Variants in KLHL14 observed in about 807,000 individuals in gnomAD.
KLHL14 encodes the protein kelch-like protein 14.
In KLHL14, 22 loss-of-function variants were observed where a neutral mutation model predicts 64.3. That is an observed-to-expected ratio of 0.34 (90% CI 0.24 to 0.49). The LOEUF (loss-of-function observed/expected upper bound fraction) is 0.49, where lower values mean the gene tolerates loss of function less well. Ranked by LOEUF, KLHL14 falls within the 20% of genes least tolerant of loss-of-function variation. The pLI is 0.99. For synonymous variants in KLHL14, 322 were observed against 333.4 expected (o/e 0.97, Z 0.37); for missense variants, 661 against 789.0 (o/e 0.84, Z 1.94).
intron 3 of KLHL14, among the ~76,000 whole-genome samples, chr18:32,710,002 A>T: frequency 6.6e-6 from 1 of 152,228 alleles, no homozygotes; most frequent in East Asian, 1.9e-4. Context: ...AATGGAAGAC[A>T]GTATATTGTC....
intron 3 of KLHL14, among the ~76,000 whole-genome samples, chr18:32,709,325 A>T (rs1334103995): frequency 1.3e-5 from 2 of 152,166 alleles, no homozygotes; most frequent in African/African-American, 4.8e-5. Context: ...TCACTCCATC[A>T]TTTAAGTCAG....
Position 32,695,558 on chromosome 18 carries a change from AT to A in KLHL14, c.1070-7del. ...GGCACTGTTGTATGGCATAACTGAA[AT>A]TAAGAAAAAAAAAAAAGACATATGA... On this transcript the variant is annotated splice_region_variant and splice_polypyrimidine_tract_variant and intron_variant, in intron 3 of 8. Coordinates refer to ENST00000359358, the MANE Select transcript of KLHL14 (RefSeq NM_020805.3). 1 of 1,559,438 alleles carries A rather than the reference AT, an allele frequency of 6.4e-7. No individual in the cohort carries two copies. The highest frequency in any genetic ancestry group is 1.8e-5 in the Admixed American group (1 of 55,640).
chr18:32,734,277 C>T, intron 3 of KLHL14: 1 of 702,346 alleles, frequency 1.4e-6, no homozygotes, highest in Non-Finnish European at 2.6e-6. Flanking sequence ...CACTTTTAAT[C>T]ACCAGTGCAA....
chr18:32,685,144 C>T (rs920151580), intron 5 of KLHL14, among the ~76,000 whole-genome samples: 3 of 151,966 alleles, frequency 2.0e-5, no homozygotes, highest in Admixed American at 1.3e-4. Flanking sequence ...TGCCGGGCGC[C>T]GACAGACCAT....
chr18:32,711,967 T>C lies in KLHL14; in HGVS notation c.1070-16415A>G, dbSNP rs1188177785. ...ATTTTACATTCATGTTATTGTTGCC[T>C]GAAATTCCTATTATGTTTTCTTAGA... On this transcript the variant is annotated intron_variant, in intron 3 of 8. Coordinates refer to ENST00000359358, the MANE Select transcript of KLHL14 (RefSeq NM_020805.3). 2.6e-5 allele frequency among the ~76,000 whole-genome samples: 4 copies of C among 152,242 alleles called. No homozygotes were observed. The East Asian group carries it at 5.8e-4, about 22-fold the overall frequency.
At chr18:32,762,002 A>G (rs2144189352) in intron 2 of KLHL14, among the ~76,000 whole-genome samples, 1 of 152,292 alleles carries the variant, frequency 6.6e-6, no homozygotes, top group Non-Finnish European at 1.5e-5. Flanking sequence ...GAATGCAGTT[A>G]TATGTTTATC....
chr18:32,772,150 C>T (rs766574555), intron 1 of KLHL14: 1 of 273,108 alleles, frequency 3.7e-6, no homozygotes, highest in Non-Finnish European at 7.4e-6. Flanking sequence ...CCGCCGCCGC[C>T]CGGCTCGGAG....
intron 3 of KLHL14, among the ~76,000 whole-genome samples, chr18:32,719,035 G>A (rs2144507880): frequency 6.6e-6 from 1 of 152,166 alleles, no homozygotes; most frequent in South Asian, 2.1e-4. Flanking sequence ...CACAACCTCT[G>A]CCTCCCGAGT....
chr18:32,681,507 T>C (rs1261203822), intron 5 of KLHL14, among the ~76,000 whole-genome samples: 2 of 152,062 alleles, frequency 1.3e-5, no homozygotes, highest in Admixed American at 1.3e-4. Flanking sequence ...CAGTCAAAAA[T>C]TGGGAGTTAG....
chr18:32,763,116 T>C (rs932143493), intron 2 of KLHL14, among the ~76,000 whole-genome samples: 3 of 151,808 alleles, frequency 2.0e-5, no homozygotes. Flanking sequence ...AGGTTTTTTT[T>C]TTTTTTTCAT....
intron 2 of KLHL14, among the ~76,000 whole-genome samples, chr18:32,769,003 G>A (rs545861013): frequency 1.1e-3 from 169 of 152,332 alleles, no homozygotes; most frequent in African/African-American, 3.9e-3. Context: ...AAGTGAAAAG[G>A]AAAGGCTTTC....
chr18:32,717,299 A>G (rs1460275440), intron 3 of KLHL14, among the ~76,000 whole-genome samples: 2 of 152,214 alleles, frequency 1.3e-5, no homozygotes, highest in Non-Finnish European at 1.5e-5. Context: ...TGAGAAAGAC[A>G]AGGGGAAGAA....
rs2049816281 is a variant in KLHL14, at chr18:32,677,289, G to A, written c.1630C>T (p.Pro544Ser). 1 of 1,613,258 alleles carries A rather than the reference G, an allele frequency of 6.2e-7. No homozygotes were observed. Among genetic ancestry groups the A allele is most frequent in the Non-Finnish European group, 8.5e-7 (1 of 1,179,586 alleles). Residue 544 changes from proline (P) to serine (S), a missense_variant, in exon 8 of 9, where the codon CCA becomes TCA. This residue lies in a region of KLHL14 where 330 missense variants were observed against 450.0 expected (regional missense o/e 0.73). Transcript: ENST00000359358. ...AGTATATTCCACTGGTCACCTTTTGGGTCATAGCATTCCACAAGCATTACA... is the reference window on the plus strand; with the variant it reads ...AGTATATTCCACTGGTCACCTTTTGAGTCATAGCATTCCACAAGCATTACA... ...LDVMLVECYDPKGDQWNILQT... is the reference protein window; with the variant it reads ...LDVMLVECYDSKGDQWNILQT...
intron 3 of KLHL14, among the ~76,000 whole-genome samples, chr18:32,729,240 T>C (rs1298771187): frequency 6.6e-6 from 1 of 151,770 alleles, no homozygotes; most frequent in Admixed American, 6.6e-5. Flanking sequence ...ATGGGGAGGG[T>C]GAGGATGGCA....
intron 2 of KLHL14, among the ~76,000 whole-genome samples, chr18:32,763,108 GTT>G (rs5823861): frequency 8.7e-5 from 12 of 138,270 alleles, no homozygotes; most frequent in African/African-American, 3.3e-4. Flanking sequence ...AAGCTTCAAG[GTT>G]TTTTTTTTTT....
Position 32,674,607 on chromosome 18 carries a change from T to C in KLHL14, c.*50A>G, listed in dbSNP as rs1245462990. The C allele has an allele frequency of 2.6e-6, 2 of 768,040 alleles. No individual in the cohort carries two copies. Among genetic ancestry groups the C allele is most frequent in the Middle Eastern group, 2.3e-4 (1 of 4,304 alleles). The allele number at this position is 768,040 out of a possible 1,614,324, so 47.6% of individuals were successfully genotyped here. A position where few individuals can be genotyped will look rare whatever the true frequency, so the allele number is the denominator to read the frequency against. ...TTCCTATTATAATAGTGATGTCACCTGCCATTGCTTCCTAGAATGTGATAC... is the reference window on the plus strand; with the variant it reads ...TTCCTATTATAATAGTGATGTCACCCGCCATTGCTTCCTAGAATGTGATAC... On this transcript the variant is annotated 3_prime_UTR_variant, in exon 9 of 9. Transcript: ENST00000359358.
chr18:32,736,745 A>G (rs894313911), intron 3 of KLHL14, among the ~76,000 whole-genome samples: 1 of 152,030 alleles, frequency 6.6e-6, no homozygotes, highest in African/African-American at 2.4e-5. Context: ...GGCATTCTCA[A>G]TACTGGGTGG....
In KLHL14 at chr18:32,770,820, C is replaced by T. The variant is rs981950505; in HGVS notation, c.-43-186G>A. 6 of 499,852 alleles carry T rather than the reference C, an allele frequency of 1.2e-5. No individual in the cohort carries two copies. The Admixed American group carries it at 1.5e-4, about 12-fold the overall frequency. The allele number at this position is 499,852 out of a possible 1,614,324, so 31.0% of individuals were successfully genotyped here. ...GGAGGAAAGTCCGAAGACGCTGGATCCGTGAGCGCCACCAGAAGGGCCCTG... is the reference window on the plus strand; with the variant it reads ...GGAGGAAAGTCCGAAGACGCTGGATTCGTGAGCGCCACCAGAAGGGCCCTG... On this transcript the variant is annotated intron_variant, in intron 1 of 8. Transcript: ENST00000359358. This position sits in a 1 kb window ranked among gnomAD's most constrained non-coding sequence, Gnocchi z 6.7.
intron 2 of KLHL14, among the ~76,000 whole-genome samples, chr18:32,762,295 C>T (rs1269743112): frequency 1.3e-5 from 2 of 151,486 alleles, no homozygotes; most frequent in Non-Finnish European, 2.9e-5. Context: ...TTGGGTATGC[C>T]ATGATTTAAG....
Sources: gnomAD v4.1 joint callset for allele counts (sites outside exome capture counted in the v4.1 genomes callset) on GRCh38, gnomAD v4.1.1 for gene constraint, gnomAD v4.1.1 regional missense constraint, Gnocchi (gnomAD v3.1) non-coding constraint, MANE v1.5 for transcripts, NCBI Gene and HGNC (gene_info 2026-07-23, HGNC 2026-07-21) for gene names.